Variants in IP6K1 observed in about 807,000 individuals in gnomAD.
The protein encoded by IP6K1 is ATP:1D-myo-inositol-hexakisphosphate phosphotransferase.
A neutral mutation model predicts 38.3 loss-of-function variants in IP6K1; 13 were observed. The observed-to-expected ratio is 0.34, with a 90% CI of 0.22 to 0.54. The LOEUF (loss-of-function observed/expected upper bound fraction) is 0.54, where lower values mean the gene tolerates loss of function less well. Ranked by LOEUF, IP6K1 falls within the 20% of genes least tolerant of loss-of-function variation. The pLI is 0.92. For missense variants in IP6K1, 397 were observed against 599.8 expected, an observed-to-expected ratio of 0.66 and a Z score of 3.53; for synonymous variants, 212 against 229.9, an observed-to-expected ratio of 0.92 and a Z score of 0.70.
chr3:49,743,279 C>CA (rs989420155), intron 2 of IP6K1, among the ~76,000 whole-genome samples: 2 of 147,054 alleles, frequency 1.4e-5, no homozygotes, highest in Non-Finnish European at 3.0e-5. Context: ...CACACACACA[C>CA]ACTTACCTTT....
At chr3:49,744,393 C>CTCCG (rs2080701909) in intron 2 of IP6K1, among the ~76,000 whole-genome samples, 1 of 95,568 alleles carries the variant, frequency 1.0e-5, no homozygotes, top group Non-Finnish European at 1.8e-5. Context: ...CAGAGCGAGA[C>CTCCG]TCCGTCTCAA....
intron 3 of IP6K1, among the ~76,000 whole-genome samples, chr3:49,737,394 A>ATATAT (rs2080622422): frequency 6.6e-6 from 1 of 152,196 alleles, no homozygotes; most frequent in Non-Finnish European, 1.5e-5. Context: ...TTATCAAGAC[A>ATATAT]CATAATTTGA....
At chr3:49,751,148 CTTT>C (rs765998854) in intron 1 of IP6K1, among the ~76,000 whole-genome samples, 12 of 93,250 alleles carry the variant, frequency 1.3e-4, no homozygotes, top group African/African-American at 3.8e-4. Flanking sequence ...GCTCTGACTC[CTTT>C]TTTTTTTGTT....
intron 1 of IP6K1, among the ~76,000 whole-genome samples, chr3:49,772,938 C>T (rs970025408): frequency 5.9e-5 from 9 of 151,982 alleles, no homozygotes; most frequent in Non-Finnish European, 1.0e-4. Flanking sequence ...ATCCTCCTAC[C>T]TCAGCCTCCC....
At chr3:49,776,384 G>A (rs1483091832) in intron 1 of IP6K1, among the ~76,000 whole-genome samples, 1 of 152,004 alleles carries the variant, frequency 6.6e-6, no homozygotes, top group Non-Finnish European at 1.5e-5. Context: ...AGGCATGGTG[G>A]TGCATGTCTG....
At chr3:49,779,432 T>C (rs1478654184) in intron 1 of IP6K1, among the ~76,000 whole-genome samples, 3 of 152,236 alleles carry the variant, frequency 2.0e-5, no homozygotes, top group Non-Finnish European at 4.4e-5. Context: ...AACATTCATG[T>C]ACAAGTTTTT....
In IP6K1 at chr3:49,749,348, C is replaced by T. The variant is rs79317220; in HGVS notation, c.-128-1180G>A. Reference sequence around the variant, plus strand: ...CAACCAGTGGGACAAGGAAAAGCTCCTTGTACTCAAACTCCCTCTTTATAA... The same window carrying T: ...CAACCAGTGGGACAAGGAAAAGCTCTTTGTACTCAAACTCCCTCTTTATAA... On this transcript the variant is annotated intron_variant, in intron 1 of 5. Transcript: ENST00000321599. 7.3e-3 allele frequency among the ~76,000 whole-genome samples: 1,118 copies of T among 152,306 alleles called. 112 individuals are homozygous for T. The East Asian group carries it at 0.19, about 26-fold the overall frequency.
chr3:49,777,944 G>A (rs553722837), intron 1 of IP6K1, among the ~76,000 whole-genome samples: 1 of 151,878 alleles, frequency 6.6e-6, no homozygotes, highest in Non-Finnish European at 1.5e-5. Context: ...CAATGATAAA[G>A]CATAAAGGTC....
chr3:49,738,660 C>T (rs967881321), intron 2 of IP6K1, among the ~76,000 whole-genome samples: 1 of 152,232 alleles, frequency 6.6e-6, no homozygotes, highest in Admixed American at 6.5e-5. Context: ...ATTTCCCCTT[C>T]TCTTATCTGG....
intron 1 of IP6K1, among the ~76,000 whole-genome samples, chr3:49,784,152 C>G (rs1362625932): frequency 6.6e-6 from 1 of 151,910 alleles, no homozygotes; most frequent in African/African-American, 2.4e-5. Context: ...TGCACCACCA[C>G]GCCCAGCTAA....
In IP6K1 at chr3:49,727,001, GT is replaced by G; in HGVS notation, c.*120del. 9.5e-7 allele frequency: 1 copy of G among 1,051,620 alleles called. No individual in the cohort carries two copies. The highest frequency in any genetic ancestry group is 1.6e-5 in the South Asian group (1 of 63,276). The allele number at this position is 1,051,620 out of a possible 1,614,324, so 65.1% of individuals were successfully genotyped here. On this transcript the variant is annotated 3_prime_UTR_variant, in exon 6 of 6. Transcript: ENST00000321599. This position sits in a 1 kb window ranked among gnomAD's most constrained non-coding sequence, Gnocchi z 5.9. ...GCTACAGCTAAAAACATTTCTTTTA[GT>G]TTACACCAAAGAGAAATATAACCCT...
chr3:49,745,887 A>C lies in IP6K1; in HGVS notation c.223+1931T>G, dbSNP rs2080717343. 2.6e-5 allele frequency among the ~76,000 whole-genome samples: 4 copies of C among 151,640 alleles called. No homozygotes were observed. In the South Asian group the frequency reaches 8.3e-4, roughly 32 times the overall value. On this transcript the variant is annotated intron_variant, in intron 2 of 5. Transcript: ENST00000321599. ...AAAAAAAAAAAGACAGAAACAACCCAATTCAAAATGGTCAAAGGACTTGAA... is the reference window on the plus strand; with the variant it reads ...AAAAAAAAAAAGACAGAAACAACCCCATTCAAAATGGTCAAAGGACTTGAA...
chr3:49,767,540 C>G (rs900484316), intron 1 of IP6K1, among the ~76,000 whole-genome samples: 3 of 152,026 alleles, frequency 2.0e-5, no homozygotes, highest in Non-Finnish European at 2.9e-5. Context: ...GATCACGCCA[C>G]TGCACTCCAG....
chr3:49,775,754 C>A, intron 1 of IP6K1: 1 of 325,828 alleles, frequency 3.1e-6, no homozygotes, highest in Non-Finnish European at 5.6e-6. Context: ...CTTACCAACC[C>A]TCCCCTCCCT....
At chr3:49,771,693 G>T (rs1172708100) in intron 1 of IP6K1, among the ~76,000 whole-genome samples, 3 of 152,090 alleles carry the variant, frequency 2.0e-5, no homozygotes, top group Non-Finnish European at 4.4e-5. Flanking sequence ...AGCAATTCTA[G>T]TCTCTTCAAG....
chr3:49,744,480 C>G (rs2080704631), intron 2 of IP6K1, among the ~76,000 whole-genome samples: 1 of 147,442 alleles, frequency 6.8e-6, no homozygotes, highest in Non-Finnish European at 1.5e-5. Context: ...ATGTATTTAT[C>G]AGTATAGACT....
At chr3:49,747,478 G>C (rs370034255) in intron 2 of IP6K1, among the ~76,000 whole-genome samples, 38 of 152,258 alleles carry the variant, frequency 2.5e-4, no homozygotes, top group African/African-American at 8.9e-4. Flanking sequence ...TAACCTGGAA[G>C]TATCCATTCC....
At position 49,726,680 on chromosome 3, in the gene IP6K1, A is replaced by G. The variant is rs2080505387; in HGVS notation, c.*442T>C. On this transcript the variant is annotated 3_prime_UTR_variant, in exon 6 of 6. Coordinates refer to ENST00000321599, the MANE Select transcript of IP6K1 (RefSeq NM_153273.4). ...CATAAGACTGGAAAGCCCCCAAGAA[A>G]TGGGCACCCAGAGCCCTCTACTTCT... 1 of 203,168 alleles carries G rather than the reference A, an allele frequency of 4.9e-6. No homozygotes were observed. Among genetic ancestry groups the G allele is most frequent in the Admixed American group, 5.7e-5 (1 of 17,544 alleles). The allele number at this position is 203,168 out of a possible 1,614,324, so 12.6% of individuals were successfully genotyped here. A position where few individuals can be genotyped will look rare whatever the true frequency, so the allele number is the denominator to read the frequency against.
chr3:49,735,898 G>A (rs2080606638), intron 3 of IP6K1, among the ~76,000 whole-genome samples: 1 of 152,182 alleles, frequency 6.6e-6, no homozygotes, highest in South Asian at 2.1e-4. Flanking sequence ...TCTAAGTCAA[G>A]TCACAAAAGC....
Sources: allele counts gnomAD v4.1 joint callset (sites outside exome capture counted in the v4.1 genomes callset), GRCh38; gene constraint gnomAD v4.1.1; non-coding constraint Gnocchi (gnomAD v3.1); transcripts MANE v1.5; gene names NCBI Gene and HGNC (gene_info 2026-07-23, HGNC 2026-07-21).